The following CTAG2 variants were observed in gnomAD, a reference collection of about 807,000 sequenced individuals.
CTAG2 encodes the protein cancer/testis antigen 2, also known as CTL-recognized antigen on melanoma.
A neutral mutation model predicts 5.7 loss-of-function variants in CTAG2; 5 were observed. The observed-to-expected ratio is 0.88, with a 90% CI of 0.46 to 1.85. CTAG2 has a LOEUF of 1.85. Among genes scored for constraint, CTAG2 ranks in the 40% most tolerant of loss-of-function variants. The pLI is 0.01. For synonymous variants in CTAG2, 63 were observed against 80.9 expected (o/e 0.78, Z 1.19); for missense variants, 151 against 169.9 (o/e 0.89, Z 0.62).
chrX:154,652,173 G>A lies in CTAG2; in HGVS notation c.499C>T (p.Leu167=), dbSNP rs782196572. ...SLLMWITQCF[L]PVFLAQAPSG... ...GGAGCCTGAGCCAAAAACACGGGCA[G>A]AAAGCACTGCGTGATCCACATCAAC... is the stretch of plus-strand genomic sequence containing the variant. The change falls in exon 3 of 3, where the codon CTG becomes TTG. Residue 167 remains leucine, a synonymous_variant. Coordinates refer to ENST00000369585, the MANE Select transcript of CTAG2 (RefSeq NM_172377.5). The A allele has an allele frequency of 5.0e-6, 6 of 1,209,537 alleles. No homozygotes were observed. The South Asian group carries it at 1.1e-4, about 21-fold the overall frequency.
chrX:154,653,374 C>T lies in CTAG2; in HGVS notation c.142G>A (p.Ala48Thr), dbSNP rs782275174. 19 of 1,177,058 alleles carry T rather than the reference C, an allele frequency of 1.6e-5. No homozygotes were observed. Among genetic ancestry groups the T allele is most frequent in the Non-Finnish European group, 2.0e-5 (18 of 879,904 alleles). The part of the protein sequence containing the change: ...GATGGRGPRG[A>T]GAARASGPRG... ...GGCCCCGAGGCCCTTGCTGCCCCTG[C>T]GCCCCGGGGACCTCTGCCGCCCGTG... The change falls in exon 1 of 3, where the codon GCA becomes ACA. Residue 48 changes from alanine to threonine, a missense_variant. Ala to Thr is a moderately conservative substitution (Grantham distance 58). Transcript: ENST00000369585.
rs781894763 is a variant in CTAG2 at position 154,653,298 on chromosome X, T to C, written c.218A>G (p.Asp73Gly). 73 of 1,205,539 alleles carry C rather than the reference T, an allele frequency of 6.1e-5. 1 individual carries two copies. In the Admixed American group the frequency reaches 1.5e-3, roughly 25 times the overall value. Residue 73 changes from aspartate to glycine, a missense_variant, in exon 1 of 3, where the codon GAT becomes GGT. Asp to Gly is a moderately conservative substitution (Grantham distance 94). Transcript: ENST00000369585. ...CCTGGCCCCGCAGGGGCACCTTCCA[T>C]CCTGCGCAGAAGCGGCACCGCCATG... Reference protein sequence around the residue: ...GPHGGAASAQDGRCPCGARRP... With the variant: ...GPHGGAASAQGGRCPCGARRP...
intron 2 of CTAG2, 53 bp downstream of exon 2, chrX:154,652,443 CA>C (rs782747935): frequency 9.9e-6 from 12 of 1,209,354 alleles, no homozygotes; most frequent in Non-Finnish European, 8.9e-6. Context: ...TCCCAGCCCC[CA>C]ACCCACCACC....
At position 154,652,486 on chromosome X, in the gene CTAG2, C is replaced by A. The variant is rs1557241458; in HGVS notation, c.404+11G>T. On this transcript the variant is annotated intron_variant, in intron 2 of 2. Coordinates refer to ENST00000369585, the MANE Select transcript of CTAG2 (RefSeq NM_172377.5). ...CGCCCAGCGCCTTCCCTGTCCTGGT[C>A]CCGAACTGACATAAACAGTAGGTTG... The A allele has an allele frequency of 8.3e-7, 1 of 1,211,179 alleles. No individual in the cohort carries two copies. Among genetic ancestry groups the A allele is most frequent in the South Asian group, 1.8e-5 (1 of 56,925 alleles).
At chrX:154,652,421 C>T (rs782240656) in intron 2 of CTAG2, 76 bp downstream of exon 2, 34 of 1,209,470 alleles carry the variant, frequency 2.8e-5, no homozygotes, top group Admixed American at 4.4e-5. Flanking sequence ...TCTGCCCCTC[C>T]GGGGAGGCGG....
Position 154,653,545 on chromosome X carries a change from G to A in CTAG2, c.-30C>T. On this transcript the variant is annotated 5_prime_UTR_variant, in exon 1 of 3. Coordinates refer to ENST00000369585, the MANE Select transcript of CTAG2 (RefSeq NM_172377.5). ...CCGGAGCCTCTGCCCGGCTCTCAGA[G>A]AGAAGGTCAGGGCCCACGAGGATGC... 2 of 981,326 alleles carry A rather than the reference G, an allele frequency of 2.0e-6. No individual in the cohort carries two copies. The highest frequency in any genetic ancestry group is 4.3e-5 in the African/African-American group (2 of 46,686). The allele number at this position is 981,326 out of a possible 1,213,427, so 80.9% of individuals were successfully genotyped here. A position where few individuals can be genotyped will look rare whatever the true frequency, so the allele number is the denominator to read the frequency against.
Position 154,652,497 on chromosome X carries a change from A to G in CTAG2, c.404T>C (p.Ile135Thr). 1 of 1,211,151 alleles carries G rather than the reference A, an allele frequency of 8.3e-7. No individual in the cohort carries two copies. Among genetic ancestry groups the G allele is most frequent in the Middle Eastern group, 2.3e-4 (1 of 4,351 alleles). ...TTCCCTGTCCTGGTCCCGAACTGAC[A>G]TAAACAGTAGGTTGCCGGACACGGT... ...DFTVSGNLLFIRLTAADHRQL... is the reference protein window; with the variant it reads ...DFTVSGNLLFTRLTAADHRQL... The change falls in exon 2 of 3, where the codon ATC becomes ACC. Residue 135 changes from isoleucine to threonine, a missense_variant and splice_region_variant. Ile to Thr is a moderately conservative substitution (Grantham distance 89). Coordinates refer to ENST00000369585, the MANE Select transcript of CTAG2 (RefSeq NM_172377.5).
At chrX:154,652,765 C>A in intron 1 of CTAG2, 134 bp from the exon 2 acceptor site, 4 of 750,726 alleles carry the variant, frequency 5.3e-6, no homozygotes, top group Non-Finnish European at 7.6e-6. Context: ...CCCCACTTTC[C>A]TCTGTTGCAC....
Position 154,652,172 on chromosome X carries a change from A to G in CTAG2, c.500T>C (p.Leu167Pro), listed in dbSNP as rs2070155480. The G allele has an allele frequency of 1.7e-6, 2 of 1,209,535 alleles. No homozygotes were observed. The highest frequency in any genetic ancestry group is 5.9e-5 in the East Asian group (2 of 33,807). Residue 167 changes from leucine (L) to proline (P), a missense_variant, in exon 3 of 3, where the codon CTG becomes CCG. Physicochemically the swap from Leu to Pro is moderately conservative, Grantham distance 98. Coordinates refer to ENST00000369585, the MANE Select transcript of CTAG2 (RefSeq NM_172377.5). ...SLLMWITQCF[L>P]PVFLAQAPSG... Reference sequence around the variant, plus strand: ...GGGAGCCTGAGCCAAAAACACGGGCAGAAAGCACTGCGTGATCCACATCAA... The same window carrying G: ...GGGAGCCTGAGCCAAAAACACGGGCGGAAAGCACTGCGTGATCCACATCAA...
intron 1 of CTAG2, 27 bp from the exon 2 acceptor site, chrX:154,652,658 T>G (rs782461591): frequency 8.5e-7 from 1 of 1,176,303 alleles, no homozygotes; most frequent in Non-Finnish European, 1.1e-6. Flanking sequence ...TAAGGTGCCA[T>G]CTCCTAGGAT....
rs782592533 is a variant in CTAG2, at chrX:154,653,312, G to C, written c.204C>G (p.Ala68=). 8.3e-6 allele frequency: 10 copies of C among 1,205,505 alleles called. 1 individual carries two copies. The highest frequency in any genetic ancestry group is 1.8e-5 in the South Asian group (1 of 56,462). The change falls in exon 1 of 3, where the codon GCC becomes GCG. Residue 68 remains alanine (A), a synonymous_variant. Transcript: ENST00000369585. The stretch of plus-strand genomic sequence containing the variant: ...GGCACCTTCCATCCTGCGCAGAAGC[G>C]GCACCGCCATGCGGACCCCGCGGGG... ...GGAPRGPHGG[A]ASAQDGRCPC... is the part of the protein sequence containing the mutation.
chrX:154,652,725 C>G (rs2070164197), intron 1 of CTAG2, 94 bp from the exon 2 acceptor site: 2 of 972,108 alleles, frequency 2.1e-6, no homozygotes, highest in Admixed American at 6.3e-5. Context: ...GGCCCAGGTC[C>G]TGCAGCAACC....
chrX:154,652,977 C>T (rs1462665406), intron 1 of CTAG2, among the ~76,000 whole-genome samples: 1 of 107,182 alleles, frequency 9.3e-6, no homozygotes, highest in African/African-American at 3.4e-5. Flanking sequence ...CTGCCCCTCA[C>T]CCCATCGCCC....
Position 154,652,597 on chromosome X carries a change from C to T in CTAG2, c.304G>A (p.Ala102Thr), listed in dbSNP as rs1557241547. ...ITMPFSSPME[A>T]ELVRRILSRD... ...GACAGGATCCTGCGGACCAGCTCCG[C>T]TTCCATGGGCGACGAGAAAGGCATC... is the stretch of plus-strand genomic sequence containing the variant. The change falls in exon 2 of 3, where the codon GCG becomes ACG. Residue 102 changes from alanine (A) to threonine (T), a missense_variant. Ala to Thr is a moderately conservative substitution (Grantham distance 58). This residue lies in a region of CTAG2 where 147 missense variants were observed against 151.0 expected (regional missense o/e 0.97). Transcript: ENST00000369585. 3.3e-6 allele frequency: 4 copies of T among 1,203,806 alleles called. No individual in the cohort carries two copies. Among genetic ancestry groups the T allele is most frequent in the Admixed American group, 2.2e-5 (1 of 45,519 alleles).
At chrX:154,652,422 G>C (rs782359239) in intron 2 of CTAG2, 75 bp downstream of exon 2, 13 of 1,211,036 alleles carry the variant, frequency 1.1e-5, no homozygotes, top group African/African-American at 1.7e-5. Context: ...CTGCCCCTCC[G>C]GGGAGGCGGA....
Position 154,652,152 on chromosome X carries a change from C to T in CTAG2, c.520G>A (p.Ala174Thr). Residue 174 changes from alanine (A) to threonine (T), a missense_variant, in exon 3 of 3, where the codon GCT becomes ACT. By Grantham distance (58) the Ala-to-Thr change is moderately conservative (BLOSUM62 0). Transcript: ENST00000369585. Reference sequence around the variant, plus strand: ...GCTTAGCGCCTCTGCCCTGAGGGAGCCTGAGCCAAAAACACGGGCAGAAAG... The same window carrying T: ...GCTTAGCGCCTCTGCCCTGAGGGAGTCTGAGCCAAAAACACGGGCAGAAAG... Reference protein sequence around the residue: ...QCFLPVFLAQAPSGQRR With the variant: ...QCFLPVFLAQTPSGQRR 1.7e-6 allele frequency: 2 copies of T among 1,208,453 alleles called. No individual in the cohort carries two copies. The highest frequency in any genetic ancestry group is 2.2e-5 in the Admixed American group (1 of 45,972).
chrX:154,652,084 C>T lies in CTAG2; in HGVS notation c.*45G>A, dbSNP rs1557241245. ...ACTGGCCACTCGTGCTGGGACCATT[C>T]CCTAGGGGAGGAGGCATGACCTAGG... is the stretch of plus-strand genomic sequence containing the variant. On this transcript the variant is annotated 3_prime_UTR_variant, in exon 3 of 3. Transcript: ENST00000369585. The T allele has an allele frequency of 8.3e-7, 1 of 1,201,528 alleles. No homozygotes were observed. The highest frequency in any genetic ancestry group is 1.7e-5 in the African/African-American group (1 of 57,681).
chrX:154,652,821 C>G (rs1303684081), intron 1 of CTAG2, among the ~76,000 whole-genome samples, 190 bp from the exon 2 acceptor site: 2 of 108,210 alleles, frequency 1.8e-5, no homozygotes, highest in Non-Finnish European at 3.8e-5. Context: ...CCCCACCATG[C>G]CCCCTGCCGC....
At position 154,653,333 on chromosome X, in the gene CTAG2, C is replaced by T. The variant is rs782712717; in HGVS notation, c.183G>A (p.Pro61=). Residue 61 remains proline, a synonymous_variant, in exon 1 of 3, where the codon CCG becomes CCA. Transcript: ENST00000369585. ...ARASGPRGGA[P]RGPHGGAASA... is the part of the protein sequence containing the mutation. ...AAGCGGCACCGCCATGCGGACCCCG[C>T]GGGGCGCCTCCTCTCGGCCCCGAGG... 1.3e-5 allele frequency: 16 copies of T among 1,203,302 alleles called. No homozygotes were observed. The East Asian group carries it at 2.7e-4, about 20-fold the overall frequency.
Sources: gnomAD v4.1 joint callset for allele counts (sites outside exome capture counted in the v4.1 genomes callset) on GRCh38, gnomAD v4.1.1 for gene constraint, gnomAD v4.1.1 regional missense constraint, MANE v1.5 for transcripts, NCBI Gene and HGNC (gene_info 2026-07-23, HGNC 2026-07-21) for gene names.